NRROS: variants seen among roughly 807,000 people sequenced by gnomAD.
NRROS encodes the protein negative regulator of reactive oxygen species.
A neutral mutation model predicts 12.0 loss-of-function variants in NRROS; 6 were observed. That is an observed-to-expected ratio of 0.50 (90% CI 0.27 to 0.98). The LOEUF (loss-of-function observed/expected upper bound fraction) is 0.98, where lower values mean the gene tolerates loss of function less well. Ranked by LOEUF, NRROS falls within the 50% of genes least tolerant of loss-of-function variation. The pLI, the probability that NRROS is intolerant of heterozygous loss-of-function variation, is 0.11. For missense variants in NRROS, 857 were observed against 888.2 expected (o/e 0.96, Z 0.45); for synonymous variants, 462 against 410.2 (o/e 1.13, Z -1.53).
intron 2 of NRROS, among the ~76,000 whole-genome samples, chr3:196,657,572 TG>T (rs1469772718): frequency 6.6e-6 from 1 of 151,752 alleles, no homozygotes; most frequent in African/African-American, 2.4e-5. Flanking sequence ...CCCGGTGTGG[TG>T]GTGTGAGTCT....
intron 1 of NRROS, among the ~76,000 whole-genome samples, chr3:196,647,527 G>A (rs1211403533): frequency 2.0e-5 from 3 of 152,178 alleles, no homozygotes; most frequent in African/African-American, 7.2e-5. Flanking sequence ...ATAGGAATGT[G>A]TTAATTTACC....
rs138784010 is a variant in NRROS, at chr3:196,656,993, C to T, written c.108+2346C>T. Among the ~76,000 whole-genome samples the T allele has an allele frequency of 5.5e-3, 843 of 152,084 alleles. 4 individuals carry two copies. Among genetic ancestry groups the T allele is most frequent in the Non-Finnish European group, 9.1e-3 (619 of 67,996 alleles). On this transcript the variant is annotated intron_variant, in intron 2 of 2. Transcript: ENST00000328557. ...CCGAAGCAGGCAGATCACCTGAGGT[C>T]AGGAGTTTGAGACCAGCCTGACCAA...
intron 1 of NRROS, among the ~76,000 whole-genome samples, chr3:196,640,492 G>C (rs975003130): frequency 5.9e-5 from 9 of 152,194 alleles, no homozygotes; most frequent in African/African-American, 1.7e-4. Flanking sequence ...CCCACAGAAC[G>C]TTTGTCCTTG....
intron 1 of NRROS, among the ~76,000 whole-genome samples, chr3:196,643,378 G>A (rs1236057070): frequency 6.6e-6 from 1 of 152,170 alleles, no homozygotes; most frequent in East Asian, 1.9e-4. Context: ...CCCACGAGGT[G>A]GGCGCGAGGA....
intron 2 of NRROS, among the ~76,000 whole-genome samples, chr3:196,658,836 GGCAT>G (rs1737593392): frequency 3.3e-5 from 5 of 152,114 alleles, no homozygotes; most frequent in Non-Finnish European, 7.3e-5. Flanking sequence ...TGGGCGTGGT[GGCAT>G]GTGCCTGTAA....
Position 196,654,946 on chromosome 3 carries a change from G to C in NRROS, c.108+299G>C. On this transcript the variant is annotated intron_variant, in intron 2 of 2. Coordinates refer to ENST00000328557, the MANE Select transcript of NRROS (RefSeq NM_198565.3). The surrounding 1 kb of genome is among the most constrained non-coding windows in gnomAD (Gnocchi z 4.4). ...ACAAGAACAACTTGTTAAAAATCTG[G>C]ATGATTCAGGCCGGGTGCAGTGGCT... 3.2e-6 allele frequency: 1 copy of C among 308,174 alleles called. No homozygotes were observed. Among genetic ancestry groups the C allele is most frequent in the Non-Finnish European group, 6.0e-6 (1 of 166,380 alleles). The allele number at this position is 308,174 out of a possible 1,614,324, so 19.1% of individuals were successfully genotyped here.
intron 1 of NRROS, among the ~76,000 whole-genome samples, chr3:196,650,920 A>G (rs1737411356): frequency 6.6e-6 from 1 of 152,144 alleles, no homozygotes; most frequent in African/African-American, 2.4e-5. Flanking sequence ...AGGAACACTC[A>G]CCAGCTGGCA....
chr3:196,660,773 C>T lies in NRROS; in HGVS notation c.1130C>T (p.Ala377Val), dbSNP rs1399311266. Reference sequence around the variant, plus strand: ...ATTCGGGAGCACGAGCCCCCCGGAGCGCTCACCGAGCTGGACCTGAGCCAC... The same window carrying T: ...ATTCGGGAGCACGAGCCCCCCGGAGTGCTCACCGAGCTGGACCTGAGCCAC... ...LHIREHEPPG[A>V]LTELDLSHNQ... Residue 377 changes from alanine to valine, a missense_variant, in exon 3 of 3, where the codon GCG becomes GTG. Ala to Val is a moderately conservative substitution (Grantham distance 64). Transcript: ENST00000328557. The surrounding 1 kb of genome is among the most constrained non-coding windows in gnomAD (Gnocchi z 7.7). 8.7e-6 allele frequency: 14 copies of T among 1,613,636 alleles called. No homozygotes were observed. The highest frequency in any genetic ancestry group is 1.7e-5 in the Admixed American group (1 of 60,006).
chr3:196,642,580 G>GGGCTT (rs775237968), intron 1 of NRROS, among the ~76,000 whole-genome samples: 3 of 152,156 alleles, frequency 2.0e-5, no homozygotes, highest in Non-Finnish European at 2.9e-5. Flanking sequence ...TGATTCTCAT[G>GGGCTT]GGCTTGGCTT....
intron 2 of NRROS, among the ~76,000 whole-genome samples, chr3:196,659,474 G>GT (rs1329036999): frequency 1.3e-5 from 2 of 151,692 alleles, no homozygotes; most frequent in Admixed American, 6.6e-5. Flanking sequence ...CACCCGGCTA[G>GT]TTTTTTGTAT....
At position 196,660,734 on chromosome 3, in the gene NRROS, T is replaced by G; in HGVS notation, c.1091T>G (p.Leu364Arg). The change falls in exon 3 of 3, where the codon CTG becomes CGG. Residue 364 changes from leucine (L) to arginine (R), a missense_variant. By Grantham distance (102) the Leu-to-Arg change is moderately radical. Coordinates refer to ENST00000328557, the MANE Select transcript of NRROS (RefSeq NM_198565.3). This position sits in a 1 kb window ranked among gnomAD's most constrained non-coding sequence, Gnocchi z 7.7. ...CACCTGAACCTCCACCAGAATTGCC[T>G]GATGACGCTTCACATTCGGGAGCAC... ...LSHLNLHQNC[L>R]MTLHIREHEP... 6.2e-7 allele frequency: 1 copy of G among 1,614,114 alleles called. No individual in the cohort carries two copies. Among genetic ancestry groups the G allele is most frequent in the Non-Finnish European group, 8.5e-7 (1 of 1,180,030 alleles).
intron 2 of NRROS, among the ~76,000 whole-genome samples, chr3:196,658,648 A>G (rs1560055548): frequency 6.6e-6 from 1 of 152,144 alleles, no homozygotes; most frequent in African/African-American, 2.4e-5. Context: ...AACGAATGCC[A>G]TTGCTCCTCT....
At position 196,660,466 on chromosome 3, in the gene NRROS, C is replaced by G. The variant is rs758794429; in HGVS notation, c.823C>G (p.Arg275Gly). The change falls in exon 3 of 3, where the codon CGG (arginine) becomes GGG (glycine). Residue 275 changes from arginine to glycine, a missense_variant. By Grantham distance (125) the Arg-to-Gly change is moderately radical (BLOSUM62 -2). Transcript: ENST00000328557. The surrounding 1 kb of genome is among the most constrained non-coding windows in gnomAD (Gnocchi z 7.7). ...GCTGCTGCCCCAGTACAGCAAGTTG[C>G]GGACCCTCCTGCTGCGCGACAACAA... ...FPLLPQYSKL[R>G]TLLLRDNNMG... 3 of 1,614,072 alleles carry G rather than the reference C, an allele frequency of 1.9e-6. No homozygotes were observed. The highest frequency in any genetic ancestry group is 2.2e-5 in the South Asian group (2 of 91,086).
chr3:196,643,369 C>A (rs1050948332), intron 1 of NRROS, among the ~76,000 whole-genome samples: 14 of 152,144 alleles, frequency 9.2e-5, no homozygotes, highest in Non-Finnish European at 4.4e-5. Flanking sequence ...TGGTCCTCAC[C>A]CACGAGGTGG....
chr3:196,653,061 C>A (rs1165473356), intron 1 of NRROS, among the ~76,000 whole-genome samples: 2 of 152,140 alleles, frequency 1.3e-5, no homozygotes, highest in African/African-American at 4.8e-5. Context: ...TCCCAGGTTT[C>A]AGGGGCGGGG....
chr3:196,641,768 G>A (rs953872751), intron 1 of NRROS, among the ~76,000 whole-genome samples: 1 of 152,140 alleles, frequency 6.6e-6, no homozygotes, highest in South Asian at 2.1e-4. Flanking sequence ...TGCGGTGTGC[G>A]TCCACACTGC....
At position 196,661,193 on chromosome 3, in the gene NRROS, C is replaced by G. The variant is rs1051554901; in HGVS notation, c.1550C>G (p.Ser517Cys). 21 of 1,613,392 alleles carry G rather than the reference C, an allele frequency of 1.3e-5. No individual in the cohort carries two copies. Among genetic ancestry groups the G allele is most frequent in the Admixed American group, 5.0e-5 (3 of 59,888 alleles). Residue 517 changes from serine to cysteine, a missense_variant, in exon 3 of 3, where the codon TCT (serine) becomes TGT (cysteine). Transcript: ENST00000328557. Reference sequence around the variant, plus strand: ...GTTGCCCCCATGTTACAGGTCCTGTCTCTCAGGAACATGGGCCTCCACTCC... The same window carrying G: ...GTTGCCCCCATGTTACAGGTCCTGTGTCTCAGGAACATGGGCCTCCACTCC... ...QDVAPMLQVL[S>C]LRNMGLHSSF...
chr3:196,652,016 C>A (rs1737438762), intron 1 of NRROS, among the ~76,000 whole-genome samples: 2 of 152,166 alleles, frequency 1.3e-5, no homozygotes, highest in Admixed American at 1.3e-4. Context: ...AGATTCAGAA[C>A]CTTCAGAAGT....
chr3:196,661,774 T>C lies in NRROS; in HGVS notation c.*52T>C. 1 of 1,453,554 alleles carries C rather than the reference T, an allele frequency of 6.9e-7. No homozygotes were observed. Among genetic ancestry groups the C allele is most frequent in the South Asian group, 1.3e-5 (1 of 76,140 alleles). 90.0% of individuals were successfully genotyped at this position (1,453,554 alleles called of 1,614,324 possible). On this transcript the variant is annotated 3_prime_UTR_variant, in exon 3 of 3. Coordinates refer to ENST00000328557, the MANE Select transcript of NRROS (RefSeq NM_198565.3). ...TCGGTCCGCACACAACAGGACACTT[T>C]CTCTGCCAGCTTTCAAGATGTGATG...
Sources: gnomAD v4.1 joint callset for allele counts (sites outside exome capture counted in the v4.1 genomes callset) on GRCh38, gnomAD v4.1.1 for gene constraint, Gnocchi (gnomAD v3.1) non-coding constraint, MANE v1.5 for transcripts, NCBI Gene and HGNC (gene_info 2026-07-23, HGNC 2026-07-21) for gene names.